The following DNAH3 variants were observed in gnomAD, a reference collection of about 807,000 sequenced individuals.
DNAH3 encodes the protein axonemal beta dynein heavy chain 3.
A neutral mutation model predicts 432.5 loss-of-function variants in DNAH3; 332 were observed. The observed-to-expected ratio is 0.77, with a 90% CI of 0.70 to 0.84. DNAH3 has a LOEUF of 0.84. Among genes scored for constraint, DNAH3 ranks in the 40% least tolerant of loss-of-function variants. DNAH3 has a pLI of 0.00. For synonymous variants in DNAH3, 1,956 were observed against 1,900.2 expected (o/e 1.03, Z -0.76); for missense variants, 4,861 against 5,114.0 (o/e 0.95, Z 1.51).
chr16:20,959,375 T>A (rs763567962), exon 54 of DNAH3: 3 of 1,613,018 alleles, frequency 1.9e-6, no homozygotes, highest in African/African-American at 2.7e-5. Flanking sequence ...GTACCTCCCA[T>A]ACCAAGATCA....
chr16:21,000,346 C>T, exon 43 of DNAH3: 1 of 1,614,116 alleles, frequency 6.2e-7, no homozygotes, highest in South Asian at 1.1e-5. Context: ...GAAATTGATG[C>T]AGTTGGGTAG....
rs112494773 is a variant in DNAH3, at chr16:20,971,612, G to A, written c.8260-1622C>T. 1.4e-4 allele frequency among the ~76,000 whole-genome samples: 22 copies of A among 152,298 alleles called. 1 individual carries two copies. Among genetic ancestry groups the A allele is most frequent in the African/African-American group, 4.8e-4 (20 of 41,582 alleles). ...AGACTTGAGCCTCACCCTTTGCACC[G>A]AAACCTGATGTGGCAGTTATTGCCT... On this transcript the variant is annotated intron_variant, in intron 51 of 61. Transcript: ENST00000261383.
rs2092702860 is a variant in DNAH3 at position 21,140,352 on chromosome 16, CCTT to C, written c.696+181_696+183del. On this transcript the variant is annotated intron_variant, in intron 5 of 61. Coordinates refer to ENST00000261383, the Ensembl canonical transcript of DNAH3. ...GAGAACATGTACACACACTCTCTCT[CCTT>C]CTCTCTCACTCGCACAAGCACACAA... The C allele has an allele frequency of 2.3e-5, 13 of 564,722 alleles. No homozygotes were observed. In the South Asian group the frequency reaches 3.0e-4, roughly 13 times the overall value. 35.0% of individuals were successfully genotyped at this position (564,722 alleles called of 1,614,324 possible). A position where few individuals can be genotyped will look rare whatever the true frequency, so the allele number is the denominator to read the frequency against.
chr16:21,067,790 A>AGAGAGAGAGAGAGAGG (rs2090621415), intron 23 of DNAH3, among the ~76,000 whole-genome samples: 1 of 124,096 alleles, frequency 8.1e-6, no homozygotes, highest in Non-Finnish European at 1.7e-5. Flanking sequence ...AGAGAGAGAG[A>AGAGAGAGAGAGAGAGG]GAGAGAGAGA....
At chr16:21,094,232 A>G (rs2091615695) in intron 18 of DNAH3, among the ~76,000 whole-genome samples, 1 of 152,222 alleles carries the variant, frequency 6.6e-6, no homozygotes, top group Admixed American at 6.5e-5. Context: ...ACAAATGGGT[A>G]AAAGACTTGA....
chr16:21,105,941 G>A (rs1388585067), intron 15 of DNAH3, among the ~76,000 whole-genome samples: 1 of 151,828 alleles, frequency 6.6e-6, no homozygotes, highest in Non-Finnish European at 1.5e-5. Context: ...CCAGCACTTG[G>A]GAGGCTGAGG....
intron 12 of DNAH3, among the ~76,000 whole-genome samples, chr16:21,114,136 A>C (rs986312611): frequency 5.9e-5 from 9 of 152,206 alleles, no homozygotes; most frequent in African/African-American, 2.2e-4. Flanking sequence ...GTTTTTCTCA[A>C]AATAGCTTGA....
Position 21,134,461 on chromosome 16 carries a change from C to G in DNAH3, c.887-7G>C, listed in dbSNP as rs767152417. On this transcript the variant is annotated splice_region_variant and splice_polypyrimidine_tract_variant and intron_variant, in intron 6 of 61. Transcript: ENST00000261383. Reference sequence around the variant, plus strand: ...TCCATGAGGATGTAATCAACTACAACCGGAAAGGGCGAACACCTCATTATT... The same window carrying G: ...TCCATGAGGATGTAATCAACTACAAGCGGAAAGGGCGAACACCTCATTATT... The G allele has an allele frequency of 6.2e-7, 1 of 1,612,742 alleles. No homozygotes were observed. Among genetic ancestry groups the G allele is most frequent in the Non-Finnish European group, 8.5e-7 (1 of 1,179,276 alleles).
rs551675607 is a variant in DNAH3 at position 20,979,776 on chromosome 16, G to C, written c.7860-230C>G. Among the ~76,000 whole-genome samples the C allele has an allele frequency of 7.2e-5, 11 of 152,264 alleles. No individual in the cohort carries two copies. In the East Asian group the frequency reaches 1.9e-3, roughly 27 times the overall value. On this transcript the variant is annotated intron_variant, in intron 49 of 61. Transcript: ENST00000261383. ...TTTTATATTTATTTATTGAGACAGTGTCTCTCTCTGACACCCAGGCTGGAG... is the reference window on the plus strand; with the variant it reads ...TTTTATATTTATTTATTGAGACAGTCTCTCTCTCTGACACCCAGGCTGGAG...
intron 41 of DNAH3, 83 bp downstream of exon 41, chr16:21,019,541 C>T: frequency 6.6e-7 from 1 of 1,522,936 alleles, no homozygotes; most frequent in Non-Finnish European, 8.9e-7. Context: ...GTAAAGGGCT[C>T]ACCTGTCTGC....
chr16:21,073,182 TTC>T (rs2090855283), intron 21 of DNAH3, among the ~76,000 whole-genome samples: 1 of 152,208 alleles, frequency 6.6e-6, no homozygotes, highest in South Asian at 2.1e-4. Context: ...CTAGCATGTA[TTC>T]TCTTATCTAT....
chr16:21,051,945 G>T, intron 28 of DNAH3, 77 bp from the exon 29 acceptor site: 1 of 1,214,602 alleles, frequency 8.2e-7, no homozygotes, highest in Non-Finnish European at 1.2e-6. Flanking sequence ...TCAGTTACAA[G>T]TGGATGTTAT....
intron 35 of DNAH3, among the ~76,000 whole-genome samples, chr16:21,036,189 G>A (rs1470894359): frequency 1.3e-5 from 2 of 152,098 alleles, no homozygotes; most frequent in African/African-American, 4.8e-5. Flanking sequence ...GCTGGGGGGT[G>A]GCGGCACGCA....
chr16:20,994,581 A>G (rs377153071), intron 44 of DNAH3, among the ~76,000 whole-genome samples: 1 of 152,354 alleles, frequency 6.6e-6, no homozygotes, highest in African/African-American at 2.4e-5. Flanking sequence ...CATCTCCACC[A>G]TTCATCTACA....
chr16:21,078,394 T>C (rs555429336), intron 20 of DNAH3, among the ~76,000 whole-genome samples: 1 of 151,604 alleles, frequency 6.6e-6, no homozygotes, highest in Non-Finnish European at 1.5e-5. Flanking sequence ...GGAGGAAGAT[T>C]AGGAGCAGAA....
In DNAH3 at chr16:21,053,825, T is replaced by TTCC. The variant is rs369644795; in HGVS notation, c.4039+592_4039+594dup. Among the ~76,000 whole-genome samples, 83 of 151,318 alleles carry TTCC rather than the reference T, an allele frequency of 5.5e-4. 1 individual carries two copies. In the South Asian group the frequency reaches 8.0e-3, roughly 15 times the overall value. On this transcript the variant is annotated intron_variant, in intron 28 of 61. Coordinates refer to ENST00000261383, the Ensembl canonical transcript of DNAH3. ...TTGTTTTATATAAAGACCCCAGTTT[T>TTCC]TCCTCCTCCTCCTCCTCCTCCTCTT...
intron 15 of DNAH3, among the ~76,000 whole-genome samples, chr16:21,105,222 A>ATCTC (rs2091919803): frequency 6.6e-6 from 1 of 152,094 alleles, no homozygotes; most frequent in Non-Finnish European, 1.5e-5. Context: ...CCCAGTCCCC[A>ATCTC]TCTCTCCCTC....
intron 17 of DNAH3, 117 bp downstream of exon 17, chr16:21,098,499 G>T: frequency 1.5e-5 from 13 of 884,198 alleles, no homozygotes; most frequent in Non-Finnish European, 2.0e-5. Flanking sequence ...ACTGGCCAAT[G>T]AGTTAACCAA....
At chr16:21,049,174 G>A (rs528042167) in intron 31 of DNAH3, among the ~76,000 whole-genome samples, 2 of 152,148 alleles carry the variant, frequency 1.3e-5, no homozygotes, top group South Asian at 2.1e-4. Flanking sequence ...GTGTTGCCCA[G>A]GCTGGTCTCA....
Sources: gnomAD v4.1 joint callset for allele counts (sites outside exome capture counted in the v4.1 genomes callset) on GRCh38, gnomAD v4.1.1 for gene constraint, MANE v1.5 for transcripts, NCBI Gene and HGNC (gene_info 2026-07-23, HGNC 2026-07-21) for gene names.